Variants in STXBP5L observed in about 807,000 individuals in gnomAD.
STXBP5L encodes syntaxin-binding protein 5-like.
A neutral mutation model predicts 144.5 loss-of-function variants in STXBP5L; 65 were observed. That is an observed-to-expected ratio of 0.45 (90% CI 0.37 to 0.55). The LOEUF (loss-of-function observed/expected upper bound fraction) is 0.55. STXBP5L is among the 20% of genes least tolerant of loss of function. The pLI is 0.00. For synonymous variants in STXBP5L, 505 were observed against 469.6 expected (o/e 1.08, Z -0.97); for missense variants, 1,298 against 1,405.5 (o/e 0.92, Z 1.22).
At chr3:121,329,597 A>G (rs981645350) in intron 20 of STXBP5L, among the ~76,000 whole-genome samples, 1 of 152,226 alleles carries the variant, frequency 6.6e-6, no homozygotes, top group Non-Finnish European at 1.5e-5. Context: ...CGGGTGGCCC[A>G]TGCCTGTAAT....
At chr3:121,212,552 G>A (rs546475965) in intron 10 of STXBP5L, among the ~76,000 whole-genome samples, 17 of 152,072 alleles carry the variant, frequency 1.1e-4, no homozygotes, top group African/African-American at 2.9e-4. Context: ...CTGAGGACTC[G>A]GTTCTGTTCC....
rs373324848 is a variant in STXBP5L at position 121,179,861 on chromosome 3, C to T, written c.877+22234C>T. On this transcript the variant is annotated intron_variant, in intron 9 of 26. Coordinates refer to ENST00000471454, the MANE Select transcript of STXBP5L (RefSeq NM_001308330.2). ...CTTCAGAGCTTGAAGACAAGGCTTT[C>T]GAATTAACCCAATCAGACAAAAACA... Among the ~76,000 whole-genome samples, 35 of 152,026 alleles carry T rather than the reference C, an allele frequency of 2.3e-4. No individual in the cohort carries two copies. In the South Asian group the frequency reaches 5.0e-3, roughly 22 times the overall value.
chr3:121,161,348 T>G (rs1480649230), intron 9 of STXBP5L, among the ~76,000 whole-genome samples: 3 of 151,812 alleles, frequency 2.0e-5, no homozygotes, highest in African/African-American at 4.8e-5. Context: ...TGATGAACAC[T>G]TTACATGATC....
chr3:121,182,527 A>G (rs2047198939), intron 9 of STXBP5L, among the ~76,000 whole-genome samples: 1 of 152,148 alleles, frequency 6.6e-6, no homozygotes, highest in South Asian at 2.1e-4. Context: ...AGCTGTGCTA[A>G]TAGAAAAAGC....
chr3:121,023,991 C>T (rs1313420212), intron 3 of STXBP5L, among the ~76,000 whole-genome samples: 2 of 152,080 alleles, frequency 1.3e-5, no homozygotes, highest in Non-Finnish European at 2.9e-5. Flanking sequence ...ATCTCCTGAC[C>T]TTGTGATACG....
At chr3:121,047,766 A>G (rs1020460577) in intron 5 of STXBP5L, among the ~76,000 whole-genome samples, 8 of 152,100 alleles carry the variant, frequency 5.3e-5, no homozygotes, top group Non-Finnish European at 1.2e-4. Flanking sequence ...GGTCTCTTGA[A>G]GACAGCATAC....
intron 2 of STXBP5L, among the ~76,000 whole-genome samples, chr3:120,925,525 C>T (rs1356985823): frequency 6.6e-6 from 1 of 151,996 alleles, no homozygotes; most frequent in Non-Finnish European, 1.5e-5. Flanking sequence ...CTTTTTCCAC[C>T]CCTTCAGTTT....
intron 3 of STXBP5L, among the ~76,000 whole-genome samples, chr3:120,990,927 C>A (rs1474469332): frequency 6.6e-6 from 1 of 152,146 alleles, no homozygotes; most frequent in African/African-American, 2.4e-5. Flanking sequence ...TGGGCAAGGA[C>A]TTCATGACTA....
At chr3:121,348,686 G>A (rs1218285861) in intron 20 of STXBP5L, among the ~76,000 whole-genome samples, 2 of 152,018 alleles carry the variant, frequency 1.3e-5, no homozygotes, top group Non-Finnish European at 1.5e-5. Flanking sequence ...TTAGTCTTGG[G>A]AGGGTGTATG....
At chr3:121,114,352 C>A (rs2044139588) in intron 5 of STXBP5L, among the ~76,000 whole-genome samples, 1 of 152,128 alleles carries the variant, frequency 6.6e-6, no homozygotes. Context: ...TGAATAAAAA[C>A]TAAATAATTT....
intron 3 of STXBP5L, among the ~76,000 whole-genome samples, chr3:121,023,068 T>C (rs1449769526): frequency 6.6e-6 from 1 of 151,910 alleles, no homozygotes; most frequent in African/African-American, 2.4e-5. Flanking sequence ...GATACAAAAA[T>C]AATGCACACA....
intron 19 of STXBP5L, among the ~76,000 whole-genome samples, chr3:121,287,689 C>T (rs570353353): frequency 2.0e-5 from 3 of 151,894 alleles, no homozygotes; most frequent in Non-Finnish European, 2.9e-5. Context: ...ATTAGCTGGG[C>T]GTGGTGGCGG....
At chr3:121,077,237 G>C (rs747886186) in intron 5 of STXBP5L, among the ~76,000 whole-genome samples, 1 of 152,180 alleles carries the variant, frequency 6.6e-6, no homozygotes, top group Non-Finnish European at 1.5e-5. Flanking sequence ...TCCACTCCCG[G>C]ATGGGTCCCC....
At chr3:121,201,444 C>T (rs1056538870) in intron 9 of STXBP5L, among the ~76,000 whole-genome samples, 12 of 152,112 alleles carry the variant, frequency 7.9e-5, no homozygotes, top group East Asian at 3.9e-4. Context: ...TGCAGCACAT[C>T]GATGGGTCTT....
At chr3:121,408,638 A>G (rs374695557) in intron 23 of STXBP5L, among the ~76,000 whole-genome samples, 1 of 151,976 alleles carries the variant, frequency 6.6e-6, no homozygotes, top group Non-Finnish European at 1.5e-5. Flanking sequence ...CAAATTGTTG[A>G]CGACCTTGAA....
chr3:121,112,952 C>G (rs982116253), intron 5 of STXBP5L, among the ~76,000 whole-genome samples: 5 of 151,942 alleles, frequency 3.3e-5, no homozygotes, highest in African/African-American at 1.2e-4. Flanking sequence ...TCTAAGTAAT[C>G]CTGTTACTCT....
At chr3:120,929,474 T>C (rs1277001904) in intron 2 of STXBP5L, among the ~76,000 whole-genome samples, 3 of 152,150 alleles carry the variant, frequency 2.0e-5, no homozygotes, top group Non-Finnish European at 4.4e-5. Flanking sequence ...TTGTTAAGGA[T>C]TTTTTTCTTT....
chr3:120,934,833 G>A (rs973888367), intron 2 of STXBP5L, among the ~76,000 whole-genome samples: 1 of 151,748 alleles, frequency 6.6e-6, no homozygotes, highest in African/African-American at 2.4e-5. Context: ...ATTTTAATTA[G>A]TGTTTGCATA....
rs541472626 is a variant in STXBP5L at position 121,005,219 on chromosome 3, C to T, written c.288-36481C>T. On this transcript the variant is annotated intron_variant, in intron 3 of 26. Coordinates refer to ENST00000471454, the MANE Select transcript of STXBP5L (RefSeq NM_001308330.2). Reference sequence around the variant, plus strand: ...GTTGGTAGGCTATTAATTATTGCCTCAATTTCAGAGCCTGTTTTTGGTCTA... The same window carrying T: ...GTTGGTAGGCTATTAATTATTGCCTTAATTTCAGAGCCTGTTTTTGGTCTA... Among the ~76,000 whole-genome samples, 8 of 152,280 alleles carry T rather than the reference C, an allele frequency of 5.3e-5. No homozygotes were observed. The East Asian group carries it at 9.6e-4, about 18-fold the overall frequency.
Sources: gnomAD v4.1 joint callset for allele counts (sites outside exome capture counted in the v4.1 genomes callset) on GRCh38, gnomAD v4.1.1 for gene constraint, MANE v1.5 for transcripts, NCBI Gene and HGNC (gene_info 2026-07-23, HGNC 2026-07-21) for gene names.